GPD2: variants seen among roughly 807,000 people sequenced by gnomAD.
The protein encoded by GPD2 is glycerol-3-phosphate dehydrogenase 2.
GPD2 carries 54 observed loss-of-function variants against 82.4 expected under a neutral mutation model. The observed-to-expected ratio is 0.66, with a 90% CI of 0.53 to 0.82. GPD2 has a LOEUF of 0.82. GPD2 is among the 40% of genes least tolerant of loss of function. GPD2 has a pLI of 0.00. For missense variants in GPD2, 748 were observed against 896.2 expected, an observed-to-expected ratio of 0.83 and a Z score of 2.11; for synonymous variants, 288 against 306.1, an observed-to-expected ratio of 0.94 and a Z score of 0.62.
Position 156,582,994 on chromosome 2 carries a change from C to A in GPD2, c.*76C>A, listed in dbSNP as rs1688085938. On this transcript the variant is annotated 3_prime_UTR_variant, in exon 17 of 17. Transcript: ENST00000438166. ...TGTAACAACCAGAGATGACTGAAAC[C>A]ACTCTGAAATAATGAATGTGGATAG... The A allele has an allele frequency of 3.4e-6, 5 of 1,476,998 alleles. No individual in the cohort carries two copies. The South Asian group carries it at 5.7e-5, about 17-fold the overall frequency. The allele number at this position is 1,476,998 out of a possible 1,614,324, so 91.5% of individuals were successfully genotyped here.
intron 16 of GPD2, among the ~76,000 whole-genome samples, chr2:156,581,632 T>TCCC (rs1688027845): frequency 6.6e-6 from 1 of 152,158 alleles, no homozygotes; most frequent in African/African-American, 2.4e-5. Flanking sequence ...CCATTAAATA[T>TCCC]ATTTTTTGAA....
At chr2:156,480,226 A>G (rs1215237809) in intron 2 of GPD2, among the ~76,000 whole-genome samples, 3 of 152,124 alleles carry the variant, frequency 2.0e-5, no homozygotes, top group Admixed American at 6.5e-5. Context: ...GTCATGGGAT[A>G]CTTTTAGAAC....
At chr2:156,437,463 T>A (rs1180993053) in intron 1 of GPD2, among the ~76,000 whole-genome samples, 1 of 152,206 alleles carries the variant, frequency 6.6e-6, no homozygotes, top group Non-Finnish European at 1.5e-5. Context: ...ACATGACATC[T>A]GGATGCCATT....
chr2:156,483,933 C>T (rs1683829616), intron 2 of GPD2, among the ~76,000 whole-genome samples: 1 of 147,952 alleles, frequency 6.8e-6, no homozygotes, highest in African/African-American at 2.5e-5. Context: ...TCTTCCTGAA[C>T]GTTGATGTAG....
At chr2:156,514,086 T>G (rs1251731537) in intron 6 of GPD2, among the ~76,000 whole-genome samples, 1 of 152,078 alleles carries the variant, frequency 6.6e-6, no homozygotes, top group Non-Finnish European at 1.5e-5. Flanking sequence ...TTTCTAATAG[T>G]GACATTACAT....
At chr2:156,462,210 A>G (rs1184499222) in intron 1 of GPD2, among the ~76,000 whole-genome samples, 1 of 152,210 alleles carries the variant, frequency 6.6e-6, no homozygotes. Flanking sequence ...CAGATGAGGT[A>G]GAATTGAAAT....
chr2:156,435,275 C>T (rs1307023094), upstream of GPD2: 1 of 152,022 alleles, frequency 6.6e-6, no homozygotes, highest in Admixed American at 6.6e-5. Context: ...TTTCCAATAC[C>T]ACGATAGAAA....
At chr2:156,520,586 TA>T (rs1685367019) in intron 6 of GPD2, among the ~76,000 whole-genome samples, 1 of 151,042 alleles carries the variant, frequency 6.6e-6, no homozygotes. Flanking sequence ...TTTATTTATT[TA>T]TTTATTTATT....
At chr2:156,556,437 G>A (rs1192892496) in intron 8 of GPD2, among the ~76,000 whole-genome samples, 1 of 152,126 alleles carries the variant, frequency 6.6e-6, no homozygotes, top group African/African-American at 2.4e-5. Flanking sequence ...TCTTTGAATG[G>A]CTAAGGAATG....
rs184559510 is a variant in GPD2 at position 156,468,615 on chromosome 2, T to G, written c.-8-7483T>G. 3.4e-3 allele frequency among the ~76,000 whole-genome samples: 517 copies of G among 152,354 alleles called. 10 individuals are homozygous for G. Among genetic ancestry groups the G allele is most frequent in the African/African-American group, 0.012 (497 of 41,584 alleles). On this transcript the variant is annotated intron_variant, in intron 1 of 16. Transcript: ENST00000438166. Reference sequence around the variant, plus strand: ...CATCTTGGGGTTTTTATTTAATGTTTGAAATGCCTTGTACATCTGGATTTC... The same window carrying G: ...CATCTTGGGGTTTTTATTTAATGTTGGAAATGCCTTGTACATCTGGATTTC...
At chr2:156,572,480 G>A (rs1025740724) in intron 13 of GPD2, among the ~76,000 whole-genome samples, 1 of 151,816 alleles carries the variant, frequency 6.6e-6, no homozygotes, top group Admixed American at 6.6e-5. Flanking sequence ...CCCTTAACTG[G>A]TGTCCCTTCT....
intron 6 of GPD2, among the ~76,000 whole-genome samples, chr2:156,531,674 C>A (rs1262908653): frequency 2.0e-5 from 3 of 152,212 alleles, no homozygotes; most frequent in Non-Finnish European, 4.4e-5. Flanking sequence ...ATGGAGCTCA[C>A]TCCTGGAGGC....
intron 13 of GPD2, among the ~76,000 whole-genome samples, chr2:156,575,968 GA>G (rs1255081659): frequency 1.3e-5 from 2 of 152,186 alleles, no homozygotes; most frequent in Non-Finnish European, 2.9e-5. Context: ...CAAGATACCA[GA>G]GGGAGAGTGA....
At chr2:156,544,683 G>A (rs529595191) in intron 6 of GPD2, among the ~76,000 whole-genome samples, 33 of 152,230 alleles carry the variant, frequency 2.2e-4, no homozygotes, top group African/African-American at 7.7e-4. Context: ...AAAGGGATAG[G>A]TAATTATTAA....
At chr2:156,439,372 C>T (rs1367177038) in intron 1 of GPD2, among the ~76,000 whole-genome samples, 1 of 151,452 alleles carries the variant, frequency 6.6e-6, no homozygotes, top group Non-Finnish European at 1.5e-5. Flanking sequence ...CGCTTGAGCC[C>T]AGGAGTTTGA....
chr2:156,491,318 C>T (rs561613976), intron 2 of GPD2, among the ~76,000 whole-genome samples: 29 of 152,302 alleles, frequency 1.9e-4, no homozygotes, highest in African/African-American at 6.3e-4. Flanking sequence ...GTCTCTGATG[C>T]AACTATTCAG....
intron 1 of GPD2, among the ~76,000 whole-genome samples, chr2:156,444,651 T>TG (rs1682292861): frequency 6.6e-6 from 1 of 151,932 alleles, no homozygotes. Context: ...AGGTGGAGGT[T>TG]GCAGTGAGCG....
rs888818541 is a variant in GPD2 at position 156,569,547 on chromosome 2, G to A, written c.1476+9G>A. 1.3e-6 allele frequency: 2 copies of A among 1,599,540 alleles called. No homozygotes were observed. The highest frequency in any genetic ancestry group is 1.7e-5 in the Admixed American group (1 of 59,914). On this transcript the variant is annotated intron_variant, in intron 11 of 16. Coordinates refer to ENST00000438166, the MANE Select transcript of GPD2 (RefSeq NM_000408.5). ...ATGGACTTGAAAGCGAGGTGAGTGT[G>A]CATTGCCACATCATCTTACTCTTTA...
intron 6 of GPD2, among the ~76,000 whole-genome samples, chr2:156,529,690 T>C (rs1236380370): frequency 1.3e-5 from 2 of 151,312 alleles, no homozygotes; most frequent in African/African-American, 2.4e-5. Context: ...ATTTATTAAA[T>C]AGGGAATCCT....
Sources: allele counts gnomAD v4.1 joint callset (sites outside exome capture counted in the v4.1 genomes callset), GRCh38; gene constraint gnomAD v4.1.1; transcripts MANE v1.5; gene names NCBI Gene and HGNC (gene_info 2026-07-23, HGNC 2026-07-21).